Variants in LGSN observed in about 807,000 individuals in gnomAD.
LGSN encodes the protein lengsin, lens protein with glutamine synthetase domain, also known as lengsin.
LGSN carries 21 observed loss-of-function variants against 19.5 expected under a neutral mutation model. That is an observed-to-expected ratio of 1.07 (90% CI 0.76 to 1.55). The LOEUF (loss-of-function observed/expected upper bound fraction) is 1.55, where lower values mean the gene tolerates loss of function less well. Ranked by LOEUF, LGSN falls within the 40% of genes most tolerant of loss-of-function variation. The probability of loss-of-function intolerance (pLI) is 0.00; values close to 1 mark genes in which losing one functional copy is unlikely to be tolerated. For synonymous variants in LGSN, 257 were observed against 215.6 expected (o/e 1.19, Z -1.68); for missense variants, 673 against 608.5 (o/e 1.11, Z -1.12).
chr6:63,280,508 A>T lies in LGSN; in HGVS notation c.1043T>A (p.Leu348His). ...GCTGAGCGCAGCAGAGTGCTTCAAGAGTCCTGCCAACCATTTTTTCCCAGT... is the reference window on the plus strand; with the variant it reads ...GCTGAGCGCAGCAGAGTGCTTCAAGTGTCCTGCCAACCATTTTTTCCCAGT... Reference protein sequence around the residue: ...TITGKKWLAGLLKHSAALSCL... With the variant: ...TITGKKWLAGHLKHSAALSCL... The change falls in exon 4 of 4, where the codon CTC becomes CAC. Residue 348 changes from leucine to histidine, a missense_variant. By Grantham distance (99) the Leu-to-His change is moderately conservative. Transcript: ENST00000370657. 1.2e-6 allele frequency: 2 copies of T among 1,614,106 alleles called. No individual in the cohort carries two copies. Among genetic ancestry groups the T allele is most frequent in the African/African-American group, 1.3e-5 (1 of 75,046 alleles).
At chr6:63,327,039 C>T in the LGSN span, among the ~76,000 whole-genome samples, 1 of 152,156 alleles carries the variant, frequency 6.6e-6, no homozygotes, top group Non-Finnish European at 1.5e-5. Flanking sequence ...AAACAGGACA[C>T]CCTAACTGCT....
chr6:63,549,665 T>C, the LGSN span, among the ~76,000 whole-genome samples: 8 of 151,882 alleles, frequency 5.3e-5, no homozygotes, highest in Non-Finnish European at 1.2e-4. Flanking sequence ...GTAACACGGA[T>C]AGAACTGGAG....
chr6:63,506,234 G>C, the LGSN span, among the ~76,000 whole-genome samples: 1 of 103,050 alleles, frequency 9.7e-6, no homozygotes. Context: ...AGTTCTTCTT[G>C]TTGTTGTTGG....
At chr6:63,298,792 T>C (rs1258578231) in intron 1 of LGSN, among the ~76,000 whole-genome samples, 1 of 152,200 alleles carries the variant, frequency 6.6e-6, no homozygotes. Flanking sequence ...CATTTAAAAA[T>C]GAAGGCTCCC....
intron 1 of LGSN, among the ~76,000 whole-genome samples, chr6:63,315,069 C>T (rs1043025734): frequency 6.6e-6 from 1 of 152,100 alleles, no homozygotes; most frequent in African/African-American, 2.4e-5. Flanking sequence ...GAAAGGATGA[C>T]AAGAAGAACA....
chr6:63,548,869 C>A, the LGSN span: 3 of 770,118 alleles, frequency 3.9e-6, no homozygotes, highest in South Asian at 2.7e-5. Flanking sequence ...TTAGCCAAAG[C>A]GCCTTTGTCT....
At chr6:63,520,485 G>C in the LGSN span, among the ~76,000 whole-genome samples, 1 of 151,976 alleles carries the variant, frequency 6.6e-6, no homozygotes, top group African/African-American at 2.4e-5. Flanking sequence ...AAATTAGCCA[G>C]GTGTGATGGC....
the LGSN span, among the ~76,000 whole-genome samples, chr6:63,386,894 A>G: frequency 1.3e-5 from 2 of 152,166 alleles, no homozygotes; most frequent in Admixed American, 6.6e-5. Flanking sequence ...TGAGGACAGG[A>G]GCTCAAGACC....
the LGSN span, among the ~76,000 whole-genome samples, chr6:63,555,718 G>GA: frequency 6.7e-6 from 1 of 148,482 alleles, no homozygotes; most frequent in African/African-American, 2.5e-5. Flanking sequence ...TTTTGAGACG[G>GA]AGTCTCGCTC....
At chr6:63,459,587 A>T in the LGSN span, among the ~76,000 whole-genome samples, 4 of 151,322 alleles carry the variant, frequency 2.6e-5, no homozygotes, top group Non-Finnish European at 4.4e-5. Context: ...TCATTCTTTC[A>T]GGATGAAGTC....
intron 1 of LGSN, among the ~76,000 whole-genome samples, chr6:63,314,798 AAG>A (rs1164267592): frequency 6.6e-6 from 1 of 152,190 alleles, no homozygotes; most frequent in Admixed American, 6.5e-5. Context: ...GAAACTGAGA[AAG>A]AGCCGACTCA....
intron 1 of LGSN, among the ~76,000 whole-genome samples, chr6:63,298,985 G>T (rs141808515): frequency 1.3e-5 from 2 of 152,252 alleles, no homozygotes; most frequent in East Asian, 3.9e-4. Flanking sequence ...AAGATAAAAA[G>T]AGAATTATAT....
chr6:63,412,490 G>GAAAGAAAGAAAGAAAC, the LGSN span, among the ~76,000 whole-genome samples: 3 of 75,938 alleles, frequency 4.0e-5, no homozygotes, highest in African/African-American at 2.1e-4. Context: ...AGAGAAGAAA[G>GAAAGAAAGAAAGAAAC]AAAGAAAGAA....
the LGSN span, among the ~76,000 whole-genome samples, chr6:63,412,483 GAAGAAAGAAAGAAAGA>G: frequency 5.7e-5 from 3 of 52,864 alleles, no homozygotes; most frequent in Non-Finnish European, 1.0e-4. Flanking sequence ...AGAAGAAAGA[GAAGAAAGAAAGAAAGA>G]AAGAAAGAAA....
chr6:63,569,783 G>GT, the LGSN span, among the ~76,000 whole-genome samples: 1 of 152,122 alleles, frequency 6.6e-6, no homozygotes, highest in South Asian at 2.1e-4. Flanking sequence ...TTTTAGAGGT[G>GT]TTTTCTCCCT....
the LGSN span, among the ~76,000 whole-genome samples, chr6:63,464,414 A>G: frequency 6.6e-6 from 1 of 151,958 alleles, no homozygotes. Context: ...ATATTAATCA[A>G]CTCATTCATT....
the LGSN span, among the ~76,000 whole-genome samples, chr6:63,539,474 T>A: frequency 0.012 from 1,760 of 152,220 alleles, 27 homozygotes; most frequent in African/African-American, 0.04. Flanking sequence ...ACAGGAAATC[T>A]AAAAGAAAAT....
At chr6:63,366,333 C>T in the LGSN span, among the ~76,000 whole-genome samples, 19,791 of 151,996 alleles carry the variant, frequency 0.13, 2,839 homozygotes, top group African/African-American at 0.36. Flanking sequence ...TGAACTCCCA[C>T]TCACAATTGC....
intron 1 of LGSN, among the ~76,000 whole-genome samples, chr6:63,314,722 A>C (rs184132781): frequency 3.4e-4 from 52 of 152,282 alleles, no homozygotes; most frequent in African/African-American, 1.2e-3. Context: ...AAGTGTTCAG[A>C]TAGAGTAGGA....
Sources: gnomAD v4.1 joint callset for allele counts (sites outside exome capture counted in the v4.1 genomes callset) on GRCh38, gnomAD v4.1.1 for gene constraint, MANE v1.5 for transcripts, NCBI Gene and HGNC (gene_info 2026-07-23, HGNC 2026-07-21) for gene names.